POR: variants seen among roughly 807,000 people sequenced by gnomAD.
The protein encoded by POR is cytochrome p450 oxidoreductase, also known as NADPH--cytochrome P450 reductase.
Under a neutral mutation model 84.0 loss-of-function variants are expected in POR, and 56 were observed. The ratio of observed to expected loss-of-function variants is 0.67; its 90% CI spans 0.54 to 0.83. The LOEUF is 0.83. Among genes scored for constraint, POR ranks in the 40% least tolerant of loss-of-function variants. The pLI is 0.00. For synonymous variants in POR, 414 were observed against 400.5 expected (o/e 1.03, Z -0.40); for missense variants, 938 against 944.3 (o/e 0.99, Z 0.09).
chr7:75,935,861 A>G (rs1394197185), intron 1 of POR, among the ~76,000 whole-genome samples: 2 of 151,678 alleles, frequency 1.3e-5, no homozygotes, highest in Non-Finnish European at 2.9e-5. Context: ...ATCTCCCATG[A>G]TGGGGAGCCA....
At chr7:75,928,151 A>G (rs1373254709) in intron 1 of POR, among the ~76,000 whole-genome samples, 1 of 151,724 alleles carries the variant, frequency 6.6e-6, no homozygotes, top group East Asian at 1.9e-4. Context: ...TTGTATTTTT[A>G]GTAGAGATAG....
chr7:75,963,451 G>A (rs1422118928), intron 2 of POR, among the ~76,000 whole-genome samples: 3 of 152,194 alleles, frequency 2.0e-5, no homozygotes, highest in African/African-American at 7.2e-5. Flanking sequence ...TGAGATGGGG[G>A]AGGTTTCTGT....
chr7:75,966,147 C>G (rs921485373), intron 2 of POR, among the ~76,000 whole-genome samples: 4 of 152,292 alleles, frequency 2.6e-5, no homozygotes, highest in Middle Eastern at 3.4e-3. Flanking sequence ...TTCTTGAATG[C>G]TAGCCAGCAT....
intron 1 of POR, among the ~76,000 whole-genome samples, chr7:75,925,032 A>C (rs1285280970): frequency 2.0e-5 from 3 of 152,158 alleles, no homozygotes; most frequent in African/African-American, 7.2e-5. Flanking sequence ...CAGAGGGGGA[A>C]CTGAAAGCTG....
chr7:75,947,900 G>A (rs1483327764), intron 1 of POR, among the ~76,000 whole-genome samples: 4 of 151,962 alleles, frequency 2.6e-5, no homozygotes, highest in Admixed American at 6.6e-5. Context: ...CTGTGTGCGC[G>A]TCAAGGGGAA....
At chr7:75,983,401 G>T in intron 8 of POR, 119 bp from the exon 9 acceptor site, 1 of 715,250 alleles carries the variant, frequency 1.4e-6, no homozygotes, top group Non-Finnish European at 2.4e-6. Context: ...TAACCGGTGA[G>T]ATTTCCTCAT....
At chr7:75,919,762 C>T (rs1806761565) in intron 1 of POR, among the ~76,000 whole-genome samples, 1 of 152,038 alleles carries the variant, frequency 6.6e-6, no homozygotes, top group South Asian at 2.1e-4. Context: ...GTGAACAAAG[C>T]CCCGGGGAAC....
intron 1 of POR, among the ~76,000 whole-genome samples, chr7:75,916,693 AT>A (rs782461420): frequency 1.1e-4 from 16 of 152,140 alleles, no homozygotes; most frequent in Non-Finnish European, 2.1e-4. Flanking sequence ...AGTGATCTTA[AT>A]TTTCCAAAAT....
chr7:75,925,001 T>C (rs115577331), intron 1 of POR, among the ~76,000 whole-genome samples: 1,977 of 152,192 alleles, frequency 0.013, 39 homozygotes, highest in African/African-American at 0.045. Flanking sequence ...TTTCCATGCT[T>C]TCCCCAACCA....
intron 3 of POR, among the ~76,000 whole-genome samples, chr7:75,975,751 G>A (rs1405650772): frequency 6.6e-6 from 1 of 150,888 alleles, no homozygotes; most frequent in East Asian, 1.9e-4. Context: ...TTAATATATG[G>A]ATTCTTACTT....
intron 4 of POR, 183 bp downstream of exon 4, chr7:75,979,762 A>G (rs1585127442): frequency 1.3e-6 from 1 of 791,492 alleles, no homozygotes; most frequent in East Asian, 3.0e-5. Context: ...CGGAAGGGCC[A>G]TTCCTGCAGT....
At chr7:75,917,772 T>G (rs1361208801) in intron 1 of POR, among the ~76,000 whole-genome samples, 1 of 152,158 alleles carries the variant, frequency 6.6e-6, no homozygotes, top group East Asian at 1.9e-4. Context: ...CTCAGCCTCC[T>G]GAGTAGCTGG....
chr7:75,952,549 C>T (rs1162855534), intron 1 of POR, among the ~76,000 whole-genome samples: 1 of 151,870 alleles, frequency 6.6e-6, no homozygotes, highest in African/African-American at 2.4e-5. Context: ...GACGGAGGGG[C>T]TCCTCACTTC....
intron 1 of POR, among the ~76,000 whole-genome samples, chr7:75,929,493 A>G (rs1807307188): frequency 6.6e-6 from 1 of 152,126 alleles, no homozygotes; most frequent in Non-Finnish European, 1.5e-5. Flanking sequence ...ACCTCAGGTG[A>G]TCTTCCCACT....
intron 3 of POR, among the ~76,000 whole-genome samples, chr7:75,979,020 C>T (rs1382175454): frequency 6.6e-6 from 1 of 152,210 alleles, no homozygotes; most frequent in African/African-American, 2.4e-5. Flanking sequence ...TGGTCTTGAA[C>T]TCCTGACCTC....
At chr7:75,967,617 A>G (rs1175062864) in intron 2 of POR, among the ~76,000 whole-genome samples, 1 of 151,058 alleles carries the variant, frequency 6.6e-6, no homozygotes, top group East Asian at 1.9e-4. Context: ...AGAGCCTAGA[A>G]GAGCTTTGTT....
At chr7:75,980,246 C>G in intron 4 of POR, 93 bp from the exon 5 acceptor site, 1 of 1,465,276 alleles carries the variant, frequency 6.8e-7, no homozygotes, top group Non-Finnish European at 9.2e-7. Flanking sequence ...TGGTGCCACC[C>G]TGGGCAGGAC....
chr7:75,939,459 C>T lies in POR; in HGVS notation c.-4-14530C>T, dbSNP rs1170061368. Among the ~76,000 whole-genome samples the T allele has an allele frequency of 4.0e-5, 6 of 151,568 alleles. 1 individual carries two copies. In the South Asian group the frequency reaches 6.3e-4, roughly 16 times the overall value. On this transcript the variant is annotated intron_variant, in intron 1 of 15. Transcript: ENST00000461988. ...TACATCTCTAGCACATCTGAGAATC[C>T]GGAAGCAACTCAGAGTTTCTGGAAT...
intron 3 of POR, chr7:75,972,783 C>T (rs1330885186): frequency 3.7e-5 from 15 of 404,568 alleles, no homozygotes; most frequent in African/African-American, 1.6e-4. Flanking sequence ...CACAGAGCTG[C>T]GGTCGTGGCA....
Sources: gnomAD v4.1 joint callset for allele counts (sites outside exome capture counted in the v4.1 genomes callset) on GRCh38, gnomAD v4.1.1 for gene constraint, MANE v1.5 for transcripts, NCBI Gene and HGNC (gene_info 2026-07-23, HGNC 2026-07-21) for gene names.